Variants in TMEM108 observed in about 807,000 individuals in gnomAD.
The protein encoded by TMEM108 is transmembrane protein 108, also known as cancer/testis antigen 124.
TMEM108 carries 12 observed loss-of-function variants against 35.1 expected under a neutral mutation model. The ratio of observed to expected loss-of-function variants is 0.34; its 90% CI spans 0.22 to 0.55. The LOEUF is 0.55. TMEM108 is among the 20% of genes least tolerant of loss of function. The pLI is 0.89. For missense variants in TMEM108, 680 were observed against 753.3 expected (o/e 0.90, Z 1.14); for synonymous variants, 287 against 308.6 (o/e 0.93, Z 0.73).
intron 2 of TMEM108, among the ~76,000 whole-genome samples, chr3:133,132,284 A>G (rs866533814): frequency 2.6e-5 from 4 of 152,354 alleles, no homozygotes; most frequent in Middle Eastern, 3.4e-3. Flanking sequence ...ATAGAAGTCA[A>G]TGCTTGGCTT....
intron 2 of TMEM108, among the ~76,000 whole-genome samples, chr3:133,228,787 C>G (rs1260013034): frequency 6.6e-6 from 1 of 151,880 alleles, no homozygotes; most frequent in Non-Finnish European, 1.5e-5. Context: ...CTAAATAATC[C>G]ATACCAGAAG....
chr3:133,040,800 G>A (rs1184453626), intron 1 of TMEM108, among the ~76,000 whole-genome samples: 3 of 152,160 alleles, frequency 2.0e-5, no homozygotes, highest in Non-Finnish European at 2.9e-5. Context: ...TTCAATAAAA[G>A]CCCACTAGTG....
intron 3 of TMEM108, among the ~76,000 whole-genome samples, chr3:133,333,339 A>G (rs533893748): frequency 6.6e-6 from 1 of 150,604 alleles, no homozygotes; most frequent in Non-Finnish European, 1.5e-5. Flanking sequence ...CACCTTCTTT[A>G]CTCTGCTTAT....
At chr3:133,386,766 C>A in intron 4 of TMEM108, 1 of 1,134,428 alleles carries the variant, frequency 8.8e-7, no homozygotes, top group Non-Finnish European at 1.1e-6. Flanking sequence ...TATGTCATCT[C>A]TATACCCTCC....
chr3:133,361,384 T>C (rs2072344587), intron 3 of TMEM108, among the ~76,000 whole-genome samples: 1 of 152,250 alleles, frequency 6.6e-6, no homozygotes, highest in Non-Finnish European at 1.5e-5. Flanking sequence ...ATCTGTAAGA[T>C]AACTATGATC....
chr3:133,228,962 G>A (rs1946113614), intron 2 of TMEM108, among the ~76,000 whole-genome samples: 1 of 152,138 alleles, frequency 6.6e-6, no homozygotes, highest in African/African-American at 2.4e-5. Context: ...TGTTTCTCCT[G>A]TGATTACAGA....
At chr3:133,242,647 G>C (rs1269226054) in intron 3 of TMEM108, among the ~76,000 whole-genome samples, 1 of 152,224 alleles carries the variant, frequency 6.6e-6, no homozygotes, top group Non-Finnish European at 1.5e-5. Context: ...CTGGTGCTCA[G>C]GGTCTCTCCT....
rs1376636645 is a variant in TMEM108 at position 133,193,355 on chromosome 3, G to T, written c.-46-35911G>T. On this transcript the variant is annotated intron_variant, in intron 2 of 5. Transcript: ENST00000321871. ...TTCAATGAATGAAAAGCATTTATGA[G>T]GAGCCTGTGTGGTTACTGATGATGT... Among the ~76,000 whole-genome samples the T allele has an allele frequency of 2.6e-5, 4 of 152,184 alleles. No individual in the cohort carries two copies. In the East Asian group the frequency reaches 7.7e-4, roughly 29 times the overall value.
At chr3:133,182,443 G>C (rs1945360846) in intron 2 of TMEM108, among the ~76,000 whole-genome samples, 1 of 152,170 alleles carries the variant, frequency 6.6e-6, no homozygotes, top group Non-Finnish European at 1.5e-5. Context: ...ATCACTGGGT[G>C]CACCTAAGCA....
At chr3:133,359,490 ACACT>A (rs1424525859) in intron 3 of TMEM108, among the ~76,000 whole-genome samples, 2 of 152,174 alleles carry the variant, frequency 1.3e-5, no homozygotes, top group Non-Finnish European at 2.9e-5. Context: ...TGTCCAGGAC[ACACT>A]CATCTGTGTG....
chr3:133,394,929 A>G (rs565275174), intron 5 of TMEM108, among the ~76,000 whole-genome samples: 2 of 152,386 alleles, frequency 1.3e-5, no homozygotes, highest in African/African-American at 4.8e-5. Flanking sequence ...ACCTAGGCCT[A>G]TAGTTGAGTC....
chr3:133,372,772 A>C (rs1485499477), intron 3 of TMEM108, among the ~76,000 whole-genome samples: 1 of 152,176 alleles, frequency 6.6e-6, no homozygotes, highest in Non-Finnish European at 1.5e-5. Context: ...TTGTTATCTG[A>C]GGCATGTTCC....
At chr3:133,127,655 G>GT (rs1944434583) in intron 2 of TMEM108, among the ~76,000 whole-genome samples, 1 of 152,070 alleles carries the variant, frequency 6.6e-6, no homozygotes, top group African/African-American at 2.4e-5. Context: ...GGCTCCTCTT[G>GT]TCTTCCACTC....
chr3:133,083,027 C>T (rs1943833184), intron 2 of TMEM108, among the ~76,000 whole-genome samples: 1 of 151,970 alleles, frequency 6.6e-6, no homozygotes, highest in African/African-American at 2.4e-5. Context: ...CAAAAAGTTG[C>T]AATTTTACAG....
In TMEM108 at chr3:133,164,598, ATGT is replaced by A. The variant is rs1945009855; in HGVS notation, c.-46-64663_-46-64661del. On this transcript the variant is annotated intron_variant, in intron 2 of 5. Coordinates refer to ENST00000321871, the MANE Select transcript of TMEM108 (RefSeq NM_023943.4). ...TGATGTGGTCAAAACACTTAACCTG[ATGT>A]TGTTCAGCTGTTCATGAATCCTGTG... Among the ~76,000 whole-genome samples, 8 of 152,280 alleles carry A rather than the reference ATGT, an allele frequency of 5.3e-5. No individual in the cohort carries two copies. In the South Asian group the frequency reaches 1.5e-3, roughly 28 times the overall value.
chr3:133,080,063 C>G (rs747278402), intron 2 of TMEM108, among the ~76,000 whole-genome samples: 4 of 152,108 alleles, frequency 2.6e-5, no homozygotes, highest in Non-Finnish European at 5.9e-5. Flanking sequence ...GTCATCTCGT[C>G]CAAGGTAGAT....
chr3:133,141,853 A>G (rs1944646097), intron 2 of TMEM108, among the ~76,000 whole-genome samples: 2 of 152,210 alleles, frequency 1.3e-5, no homozygotes, highest in South Asian at 4.1e-4. Flanking sequence ...GCCCATTAAG[A>G]CATTACAGAA....
intron 3 of TMEM108, among the ~76,000 whole-genome samples, chr3:133,315,030 T>C (rs866062468): frequency 6.6e-6 from 1 of 152,200 alleles, no homozygotes; most frequent in Non-Finnish European, 1.5e-5. Context: ...TTTGTCTCGG[T>C]TTTCCTGTTT....
At chr3:133,312,579 T>C (rs1408957028) in intron 3 of TMEM108, among the ~76,000 whole-genome samples, 2 of 152,220 alleles carry the variant, frequency 1.3e-5, no homozygotes, top group African/African-American at 4.8e-5. Flanking sequence ...GCTAAGACCA[T>C]GTGAAAAGCG....
Sources: gnomAD v4.1 joint callset for allele counts (sites outside exome capture counted in the v4.1 genomes callset) on GRCh38, gnomAD v4.1.1 for gene constraint, MANE v1.5 for transcripts, NCBI Gene and HGNC (gene_info 2026-07-23, HGNC 2026-07-21) for gene names.